The following LCLAT1 variants were observed in gnomAD, a reference collection of about 807,000 sequenced individuals.
The protein encoded by LCLAT1 is 1-AGP acyltransferase 8.
In LCLAT1, 11 loss-of-function variants were observed where a neutral mutation model predicts 30.7. The observed-to-expected ratio is 0.36, with a 90% CI of 0.23 to 0.59. The LOEUF is 0.59. LCLAT1 is among the 20% of genes least tolerant of loss of function. The probability of loss-of-function intolerance (pLI) is 0.77; values close to 1 mark genes in which losing one functional copy is unlikely to be tolerated. For synonymous variants in LCLAT1, 155 were observed against 151.3 expected (o/e 1.02, Z -0.18); for missense variants, 402 against 458.6 (o/e 0.88, Z 1.13).
intron 3 of LCLAT1, among the ~76,000 whole-genome samples, chr2:30,543,935 T>C (rs1391632420): frequency 6.6e-6 from 1 of 152,216 alleles, no homozygotes; most frequent in African/African-American, 2.4e-5. Flanking sequence ...TTATGTTCTT[T>C]GGGCTTAATT....
intron 1 of LCLAT1, among the ~76,000 whole-genome samples, chr2:30,448,919 T>C (rs1455888468): frequency 1.3e-5 from 2 of 152,212 alleles, no homozygotes; most frequent in Non-Finnish European, 2.9e-5. Context: ...GAAAAGACAG[T>C]ATGTGTGAAA....
chr2:30,551,064 G>T (rs4952146), intron 3 of LCLAT1, among the ~76,000 whole-genome samples: 10 of 152,034 alleles, frequency 6.6e-5, no homozygotes, highest in East Asian at 3.9e-4. Context: ...CTGCATCCTT[G>T]ACCTCCTGGG....
At chr2:30,467,060 G>C (rs1449878236) in intron 1 of LCLAT1, among the ~76,000 whole-genome samples, 2 of 152,130 alleles carry the variant, frequency 1.3e-5, no homozygotes, top group East Asian at 3.8e-4. Context: ...ATTTACATTA[G>C]GTATATCTCC....
chr2:30,522,917 C>T (rs1685545307), intron 1 of LCLAT1, among the ~76,000 whole-genome samples: 1 of 152,136 alleles, frequency 6.6e-6, no homozygotes, highest in African/African-American at 2.4e-5. Context: ...CTTAACTCTC[C>T]TGAGCCTCAG....
rs1375169841 is a variant in LCLAT1, at chr2:30,606,261, A to G, written c.629-33856A>G. 9.3e-6 allele frequency: 3 copies of G among 321,208 alleles called. No homozygotes were observed. The East Asian group carries it at 3.8e-4, about 41-fold the overall frequency. 19.9% of individuals were successfully genotyped at this position (321,208 alleles called of 1,614,324 possible). A position where few individuals can be genotyped will look rare whatever the true frequency, so the allele number is the denominator to read the frequency against. ...CTCTTAAAATTCATATGGAACCAAC[A>G]AAAAGCCCATATAGCCAAGACAATC... On this transcript the variant is annotated intron_variant, in intron 5 of 5. Coordinates refer to ENST00000379509, the MANE Select transcript of LCLAT1 (RefSeq NM_001002257.3).
At chr2:30,478,885 T>A (rs760517484) in intron 1 of LCLAT1, among the ~76,000 whole-genome samples, 2 of 152,220 alleles carry the variant, frequency 1.3e-5, no homozygotes, top group Non-Finnish European at 2.9e-5. Context: ...CTTGCTGACT[T>A]GTGTTACATT....
chr2:30,599,338 CTG>C (rs1202822025), intron 5 of LCLAT1, among the ~76,000 whole-genome samples: 2 of 152,154 alleles, frequency 1.3e-5, no homozygotes, highest in African/African-American at 4.8e-5. Flanking sequence ...GTCTGAGAGA[CTG>C]TTATGATTTC....
chr2:30,588,378 G>A (rs542935849), intron 5 of LCLAT1, among the ~76,000 whole-genome samples: 1 of 152,278 alleles, frequency 6.6e-6, no homozygotes, highest in African/African-American at 2.4e-5. Context: ...ATGTGGCTGT[G>A]CCCCCAAACA....
intron 1 of LCLAT1, among the ~76,000 whole-genome samples, chr2:30,522,232 G>GT (rs1444319261): frequency 2.0e-5 from 3 of 152,136 alleles, no homozygotes; most frequent in Non-Finnish European, 4.4e-5. Flanking sequence ...GGGTTTTATT[G>GT]TAAGTGTATA....
intron 5 of LCLAT1, among the ~76,000 whole-genome samples, chr2:30,589,869 G>C (rs1381857939): frequency 1.3e-5 from 2 of 152,110 alleles, no homozygotes; most frequent in Non-Finnish European, 2.9e-5. Flanking sequence ...CCAATGTTTA[G>C]TAACAGGCCA....
At chr2:30,565,806 T>G (rs1572633416) in intron 4 of LCLAT1, among the ~76,000 whole-genome samples, 1 of 151,566 alleles carries the variant, frequency 6.6e-6, no homozygotes, top group South Asian at 2.1e-4. Context: ...ATAGAAGGGG[T>G]GTAGGGTGCT....
intron 1 of LCLAT1, among the ~76,000 whole-genome samples, chr2:30,466,137 CTTTAT>C (rs1682412651): frequency 6.6e-6 from 1 of 151,814 alleles, no homozygotes; most frequent in African/African-American, 2.4e-5. Context: ...TTTGATAATT[CTTTAT>C]TTTATTAGAA....
At chr2:30,478,002 G>A (rs994283368) in intron 1 of LCLAT1, among the ~76,000 whole-genome samples, 11 of 150,634 alleles carry the variant, frequency 7.3e-5, no homozygotes. Flanking sequence ...AGGAATTAAG[G>A]AATTTTGTGG....
intron 3 of LCLAT1, among the ~76,000 whole-genome samples, chr2:30,537,622 A>G (rs1007614964): frequency 2.6e-5 from 4 of 152,144 alleles, no homozygotes; most frequent in East Asian, 1.9e-4. Context: ...TTAGACCCCA[A>G]TATAGTAATA....
intron 5 of LCLAT1, among the ~76,000 whole-genome samples, chr2:30,613,512 C>T (rs1030081448): frequency 2.0e-5 from 3 of 150,936 alleles, no homozygotes; most frequent in Admixed American, 6.6e-5. Context: ...GGGTGTTTCT[C>T]GTAAGGTGGG....
At chr2:30,498,598 T>C (rs1684225188) in intron 1 of LCLAT1, among the ~76,000 whole-genome samples, 1 of 152,292 alleles carries the variant, frequency 6.6e-6, no homozygotes, top group African/African-American at 2.4e-5. Context: ...TCACCCCAAT[T>C]GCCTGCCTTA....
chr2:30,576,385 G>A (rs899421947), intron 5 of LCLAT1, among the ~76,000 whole-genome samples: 4 of 152,146 alleles, frequency 2.6e-5, no homozygotes, highest in African/African-American at 9.7e-5. Flanking sequence ...CTGAAGGTGT[G>A]AGTAGCTGTG....
At chr2:30,525,218 A>G (rs991733258) in intron 1 of LCLAT1, among the ~76,000 whole-genome samples, 12 of 152,060 alleles carry the variant, frequency 7.9e-5, no homozygotes, top group Non-Finnish European at 1.2e-4. Context: ...AGCTGGGATT[A>G]CAGGCACACT....
At chr2:30,571,634 AC>A (rs1273973817) in intron 5 of LCLAT1, among the ~76,000 whole-genome samples, 1 of 152,208 alleles carries the variant, frequency 6.6e-6, no homozygotes, top group Non-Finnish European at 1.5e-5. Flanking sequence ...CATTTCAGTT[AC>A]CCTTTTGAAC....
Sources: allele counts gnomAD v4.1 joint callset (sites outside exome capture counted in the v4.1 genomes callset), GRCh38; gene constraint gnomAD v4.1.1; transcripts MANE v1.5; gene names NCBI Gene and HGNC (gene_info 2026-07-23, HGNC 2026-07-21).